The following GCM1 variants were observed in gnomAD, a reference collection of about 807,000 sequenced individuals.
GCM1 encodes the protein GCM transcription factor 1.
In GCM1, 2 loss-of-function variants were observed where a neutral mutation model predicts 25.7. The ratio of observed to expected loss-of-function variants is 0.08; its 90% CI spans 0.03 to 0.24. The LOEUF is 0.24. GCM1 is among the 10% of genes least tolerant of loss of function. The pLI is 1.00. For synonymous variants in GCM1, 183 were observed against 195.7 expected (o/e 0.94, Z 0.54); for missense variants, 395 against 538.7 (o/e 0.73, Z 2.64).
intron 3 of GCM1, among the ~76,000 whole-genome samples, chr6:53,133,427 G>A (rs960731535): frequency 1.2e-4 from 18 of 151,908 alleles, no homozygotes; most frequent in African/African-American, 4.4e-4. Flanking sequence ...CCTGACCTCA[G>A]GTGATCTGCC....
At chr6:53,148,198 C>T (rs1314967606) in intron 1 of GCM1, among the ~76,000 whole-genome samples, 1 of 152,144 alleles carries the variant, frequency 6.6e-6, no homozygotes, top group East Asian at 1.9e-4. Flanking sequence ...ATGCAGATAC[C>T]AAGCAGCAGT....
chr6:53,129,347 TC>T (rs1763692496), intron 5 of GCM1, among the ~76,000 whole-genome samples: 1 of 151,596 alleles, frequency 6.6e-6, no homozygotes, highest in Admixed American at 6.6e-5. Context: ...CGATCTTGGC[TC>T]ACTGCAACCT....
At chr6:53,143,380 G>C (rs917642909) in intron 2 of GCM1, among the ~76,000 whole-genome samples, 1 of 152,122 alleles carries the variant, frequency 6.6e-6, no homozygotes, top group African/African-American at 2.4e-5. Context: ...CTTGTTTATG[G>C]ATCTGATGAA....
chr6:53,140,102 G>T (rs1486415839), intron 2 of GCM1, among the ~76,000 whole-genome samples: 3 of 152,144 alleles, frequency 2.0e-5, no homozygotes, highest in African/African-American at 7.2e-5. Context: ...CCAAATAGCA[G>T]AGGCCCCAGT....
chr6:53,132,352 G>A (rs1298119281), intron 3 of GCM1, among the ~76,000 whole-genome samples: 1 of 152,170 alleles, frequency 6.6e-6, no homozygotes, highest in African/African-American at 2.4e-5. Context: ...CTACCAAGTA[G>A]GATATTTCAC....
rs866753184 is a variant in GCM1, at chr6:53,128,442, G to A, written c.1075C>T (p.Pro359Ser). 20 of 1,613,964 alleles carry A rather than the reference G, an allele frequency of 1.2e-5. No homozygotes were observed. The Middle Eastern group carries it at 4.9e-4, about 40-fold the overall frequency. ...TTCTCTTCATAAAGATTACCCGCTG[G>A]ATTTGGCCATAATGGGGGACAGCCA... The part of the protein sequence containing the change: ...KTGCPPLWPN[P>S]AGNLYEEKVH... Residue 359 changes from proline (P) to serine (S), a missense_variant, in exon 6 of 6, where the codon CCA becomes TCA. Coordinates refer to ENST00000259803, the MANE Select transcript of GCM1 (RefSeq NM_003643.4).
At chr6:53,138,278 CAAAAA>C (rs566559211) in intron 2 of GCM1, among the ~76,000 whole-genome samples, 2 of 89,232 alleles carry the variant, frequency 2.2e-5, no homozygotes. Flanking sequence ...TGCTTTGTCT[CAAAAA>C]AAAAAAAAAA....
chr6:53,132,351 A>G (rs1269530334), intron 3 of GCM1, among the ~76,000 whole-genome samples: 1 of 152,204 alleles, frequency 6.6e-6, no homozygotes, highest in Non-Finnish European at 1.5e-5. Context: ...CCTACCAAGT[A>G]GGATATTTCA....
Position 53,137,625 on chromosome 6 carries a change from T to TA in GCM1, c.76-3302dup, listed in dbSNP as rs370624612. Among the ~76,000 whole-genome samples the TA allele has an allele frequency of 5.9e-4, 90 of 152,030 alleles. 3 individuals carry two copies. Among genetic ancestry groups the TA allele is most frequent in the African/African-American group, 2.1e-3 (86 of 41,466 alleles). On this transcript the variant is annotated intron_variant, in intron 2 of 5. Coordinates refer to ENST00000259803, the MANE Select transcript of GCM1 (RefSeq NM_003643.4). The stretch of plus-strand genomic sequence containing the variant: ...CAACACAGTGAGACCACGTCTCTAC[T>TA]AAAAAAACAAAACAAAACAAAATTT...
At chr6:53,135,006 C>T (rs753009455) in intron 2 of GCM1, among the ~76,000 whole-genome samples, 7 of 152,186 alleles carry the variant, frequency 4.6e-5, no homozygotes, top group Non-Finnish European at 1.0e-4. Flanking sequence ...ATCTTTAACC[C>T]TACGTTCACG....
intron 1 of GCM1, among the ~76,000 whole-genome samples, chr6:53,148,541 T>A (rs1763997412): frequency 2.0e-5 from 3 of 152,230 alleles, no homozygotes; most frequent in Non-Finnish European, 4.4e-5. Context: ...AAAACCATTT[T>A]ACAGCCCTTA....
intron 2 of GCM1, among the ~76,000 whole-genome samples, chr6:53,142,870 CAA>C (rs60718730): frequency 1.9e-3 from 71 of 37,498 alleles, no homozygotes; most frequent in African/African-American, 4.0e-3. Context: ...CAAGGATCTC[CAA>C]AAAAAAAAAA....
chr6:53,128,427 A>G lies in GCM1; in HGVS notation c.1090T>C (p.Tyr364His). ...PLWPNPAGNLYEEKVHVDFNS... is the reference protein window; with the variant it reads ...PLWPNPAGNLHEEKVHVDFNS... ...AAATCCACATGTACTTTCTCTTCATAAAGATTACCCGCTGGATTTGGCCAT... is the reference window on the plus strand; with the variant it reads ...AAATCCACATGTACTTTCTCTTCATGAAGATTACCCGCTGGATTTGGCCAT... Residue 364 changes from tyrosine (Y) to histidine (H), a missense_variant, in exon 6 of 6, where the codon TAT becomes CAT. Coordinates refer to ENST00000259803, the MANE Select transcript of GCM1 (RefSeq NM_003643.4). The G allele has an allele frequency of 2.5e-6, 4 of 1,614,088 alleles. No individual in the cohort carries two copies. Among genetic ancestry groups the G allele is most frequent in the Non-Finnish European group, 3.4e-6 (4 of 1,179,936 alleles).
intron 4 of GCM1, among the ~76,000 whole-genome samples, chr6:53,131,194 A>C (rs998083587): frequency 4.6e-5 from 7 of 152,224 alleles, no homozygotes; most frequent in African/African-American, 1.7e-4. Context: ...TGCCAGACAC[A>C]AATAAACACC....
chr6:53,132,463 C>A (rs1003992746), intron 3 of GCM1, among the ~76,000 whole-genome samples: 1 of 152,210 alleles, frequency 6.6e-6, no homozygotes, highest in Non-Finnish European at 1.5e-5. Flanking sequence ...ATAATCCCAG[C>A]ACTTTGGGAG....
At chr6:53,136,328 T>C (rs1272561241) in intron 2 of GCM1, among the ~76,000 whole-genome samples, 1 of 152,222 alleles carries the variant, frequency 6.6e-6, no homozygotes, top group African/African-American at 2.4e-5. Context: ...TCACAAACAG[T>C]CTGAGATTGC....
chr6:53,143,193 C>G (rs1456216251), intron 2 of GCM1, among the ~76,000 whole-genome samples: 1 of 152,194 alleles, frequency 6.6e-6, no homozygotes, highest in African/African-American at 2.4e-5. Flanking sequence ...CGTGAGCAAT[C>G]TTAGTACTTT....
At chr6:53,129,137 G>C (rs940704502) in intron 5 of GCM1, among the ~76,000 whole-genome samples, 191 bp from the exon 6 acceptor site, 1 of 152,040 alleles carries the variant, frequency 6.6e-6, no homozygotes, top group Non-Finnish European at 1.5e-5. Flanking sequence ...AAAAGCAAAG[G>C]CTGCCTCTGT....
intron 2 of GCM1, among the ~76,000 whole-genome samples, chr6:53,144,626 TAC>T (rs10561078): frequency 0.86 from 125,309 of 145,484 alleles, 52,625 homozygotes; most frequent in Non-Finnish European, 0.9. Context: ...GCCCTGACTC[TAC>T]ACACACACAC....
Sources: gnomAD v4.1 joint callset for allele counts (sites outside exome capture counted in the v4.1 genomes callset) on GRCh38, gnomAD v4.1.1 for gene constraint, MANE v1.5 for transcripts, NCBI Gene and HGNC (gene_info 2026-07-23, HGNC 2026-07-21) for gene names.